TENM3: variants seen among roughly 807,000 people sequenced by gnomAD.
TENM3 encodes teneurin-3.
Under a neutral mutation model 255.1 loss-of-function variants are expected in TENM3, and 63 were observed. That is an observed-to-expected ratio of 0.25 (90% CI 0.20 to 0.30). TENM3 has a LOEUF of 0.30. Ranked by LOEUF, TENM3 falls within the 10% of genes least tolerant of loss-of-function variation. The probability of loss-of-function intolerance (pLI) is 1.00; values close to 1 mark genes in which losing one functional copy is unlikely to be tolerated. For missense variants in TENM3, 2,929 were observed against 3,461.1 expected, an observed-to-expected ratio of 0.85 and a Z score of 3.86; for synonymous variants, 1,306 against 1,322.3, an observed-to-expected ratio of 0.99 and a Z score of 0.27.
At chr4:182,240,895 C>T (rs1757210887), upstream of TENM3, among the ~76,000 whole-genome samples, 1 of 152,222 alleles carries the variant, frequency 6.6e-6, no homozygotes, top group South Asian at 2.1e-4. Flanking sequence ...CAGATCTGGC[C>T]TCTGAGGCCC....
chr4:182,390,853 T>C (rs529893633), intron 3 of TENM3, among the ~76,000 whole-genome samples: 1 of 152,186 alleles, frequency 6.6e-6, no homozygotes, highest in African/African-American at 2.4e-5. Context: ...CCACTTGATA[T>C]GATGATTACT....
chr4:182,636,545 A>G (rs79454842), intron 5 of TENM3, among the ~76,000 whole-genome samples: 9,378 of 152,092 alleles, frequency 0.062, 388 homozygotes, highest in East Asian at 0.14. Context: ...GTGAAACCCC[A>G]TCTCTACTAG....
the TENM3 span, among the ~76,000 whole-genome samples, chr4:181,986,990 A>G: frequency 6.6e-6 from 1 of 152,128 alleles, no homozygotes; most frequent in Admixed American, 6.6e-5. Flanking sequence ...CACAATGCCC[A>G]TGACTCCTGA....
At chr4:181,714,067 G>C in the TENM3 span, among the ~76,000 whole-genome samples, 1 of 152,114 alleles carries the variant, frequency 6.6e-6, no homozygotes, top group Non-Finnish European at 1.5e-5. Flanking sequence ...AGCATCCCCT[G>C]GGCATAGTGG....
the TENM3 span, among the ~76,000 whole-genome samples, chr4:182,025,245 G>A: frequency 6.6e-6 from 1 of 151,876 alleles, no homozygotes; most frequent in Non-Finnish European, 1.5e-5. Context: ...GGCCAAGATG[G>A]TCTCGATCTC....
At chr4:181,966,818 G>A in the TENM3 span, among the ~76,000 whole-genome samples, 1 of 152,148 alleles carries the variant, frequency 6.6e-6, no homozygotes, top group Non-Finnish European at 1.5e-5. Context: ...ACACAAAAGT[G>A]ACAAAGCATT....
Position 182,771,294 on chromosome 4 carries a change from A to G in TENM3, c.4893-2178A>G, listed in dbSNP as rs542287702. On this transcript the variant is annotated intron_variant, in intron 22 of 27. Transcript: ENST00000511685. ...AAGGGTCAAAAAAGGGCAGAGGAGAATGAATCAGCAAGCTGCTTGCAGGTG... is the reference window on the plus strand; with the variant it reads ...AAGGGTCAAAAAAGGGCAGAGGAGAGTGAATCAGCAAGCTGCTTGCAGGTG... 4.6e-5 allele frequency among the ~76,000 whole-genome samples: 7 copies of G among 152,324 alleles called. No individual in the cohort carries two copies. The South Asian group carries it at 1.5e-3, about 32-fold the overall frequency.
At chr4:181,911,789 T>A in the TENM3 span, among the ~76,000 whole-genome samples, 2 of 152,202 alleles carry the variant, frequency 1.3e-5, no homozygotes, top group African/African-American at 4.8e-5. Flanking sequence ...TAAACCAGGA[T>A]ATAACATGAT....
chr4:181,976,354 A>G, the TENM3 span: 2 of 152,230 alleles, frequency 1.3e-5, no homozygotes, highest in Non-Finnish European at 2.9e-5. Flanking sequence ...TCCTGACGTC[A>G]GGTGATCTGC....
chr4:181,612,175 C>T, the TENM3 span, among the ~76,000 whole-genome samples: 2 of 152,184 alleles, frequency 1.3e-5, no homozygotes, highest in Admixed American at 6.5e-5. Flanking sequence ...TTTCATTCAT[C>T]ATTTCAGAGA....
At chr4:181,590,922 A>G in the TENM3 span, among the ~76,000 whole-genome samples, 1 of 152,218 alleles carries the variant, frequency 6.6e-6, no homozygotes, top group Admixed American at 6.5e-5. Context: ...GGAATACACT[A>G]TTGTTACCAT....
In TENM3 at chr4:182,312,254, T is replaced by C. The variant is rs150741672; in HGVS notation, c.-75-11692T>C. On this transcript the variant is annotated intron_variant, in intron 1 of 27. Transcript: ENST00000511685. ...CTCACGCCTGTAGTCCCCAGTACTT[T>C]GGGAGGCCAAGGCCTGAGAATTGCT... Among the ~76,000 whole-genome samples the C allele has an allele frequency of 5.6e-3, 846 of 152,266 alleles. 7 individuals carry two copies. The highest frequency in any genetic ancestry group is 0.019 in the African/African-American group (803 of 41,556).
chr4:181,776,495 C>T, the TENM3 span, among the ~76,000 whole-genome samples: 7 of 152,098 alleles, frequency 4.6e-5, no homozygotes, highest in South Asian at 2.1e-4. Flanking sequence ...AATCTCCATA[C>T]GGTTTTCCAT....
At chr4:182,764,770 G>C (rs867241971) in intron 22 of TENM3, among the ~76,000 whole-genome samples, 8 of 152,170 alleles carry the variant, frequency 5.3e-5, no homozygotes, top group Non-Finnish European at 7.3e-5. Context: ...GCTACGTGAA[G>C]AGCTGGACTG....
At chr4:182,519,920 A>G in intron 3 of TENM3, among the ~76,000 whole-genome samples, 1 of 152,260 alleles carries the variant, frequency 6.6e-6, no homozygotes, top group South Asian at 2.1e-4. Context: ...TTTCTAAGTG[A>G]ATGGCTAAAC....
At chr4:181,471,650 A>AC in the TENM3 span, among the ~76,000 whole-genome samples, 1 of 152,166 alleles carries the variant, frequency 6.6e-6, no homozygotes, top group Non-Finnish European at 1.5e-5. Flanking sequence ...AGGAAGAGGT[A>AC]CCCCATTGGA....
intron 19 of TENM3, among the ~76,000 whole-genome samples, chr4:182,748,407 T>G (rs1762153240): frequency 6.6e-6 from 1 of 152,148 alleles, no homozygotes; most frequent in Non-Finnish European, 1.5e-5. Context: ...GCCTCACGTT[T>G]TCACAGTAGA....
At chr4:181,927,998 C>T in the TENM3 span, among the ~76,000 whole-genome samples, 732 of 152,194 alleles carry the variant, frequency 4.8e-3, 27 homozygotes, top group Admixed American at 0.045. Context: ...ACAAAAAGGA[C>T]GTCCACACAA....
At chr4:182,100,638 C>CACAG in the TENM3 span, among the ~76,000 whole-genome samples, 1 of 26,136 alleles carries the variant, frequency 3.8e-5, no homozygotes, top group East Asian at 8.8e-4. Flanking sequence ...CATATATACA[C>CACAG]ATATATATAC....
Sources: gnomAD v4.1 joint callset for allele counts (sites outside exome capture counted in the v4.1 genomes callset) on GRCh38, gnomAD v4.1.1 for gene constraint, MANE v1.5 for transcripts, NCBI Gene and HGNC (gene_info 2026-07-23, HGNC 2026-07-21) for gene names.